TUSC3: variants seen among roughly 807,000 people sequenced by gnomAD.
The protein encoded by TUSC3 is dolichyl-diphosphooligosaccharide--protein glycosyltransferase subunit TUSC3.
In TUSC3, 45 loss-of-function variants were observed where a neutral mutation model predicts 44.8. The observed-to-expected ratio is 1.00, with a 90% CI of 0.79 to 1.29. TUSC3 has a LOEUF of 1.29. Among genes scored for constraint, TUSC3 ranks in the 50% most tolerant of loss-of-function variants. The pLI is 0.00. For synonymous variants in TUSC3, 212 were observed against 152.9 expected (o/e 1.39, Z -2.85); for missense variants, 519 against 437.9 (o/e 1.19, Z -1.65).
intron 6 of TUSC3, among the ~76,000 whole-genome samples, chr8:15,690,848 C>A (rs1470796890): frequency 6.6e-6 from 1 of 151,526 alleles, no homozygotes; most frequent in Non-Finnish European, 1.5e-5. Context: ...TATTCTGTTC[C>A]ATTGGTCTGT....
At chr8:15,451,504 C>G (rs1048074449) in intron 1 of TUSC3, among the ~76,000 whole-genome samples, 1 of 152,174 alleles carries the variant, frequency 6.6e-6, no homozygotes, top group Admixed American at 6.5e-5. Context: ...GGATTGGAGA[C>G]TCTGCAGGTT....
intron 6 of TUSC3, among the ~76,000 whole-genome samples, chr8:15,695,835 T>A (rs1412673341): frequency 1.3e-5 from 2 of 152,188 alleles, no homozygotes; most frequent in African/African-American, 4.8e-5. Context: ...CCTAGAGATT[T>A]GTGGAACTTT....
intron 7 of TUSC3, among the ~76,000 whole-genome samples, chr8:15,732,160 C>A (rs1006286480): frequency 1.1e-4 from 16 of 152,132 alleles, no homozygotes; most frequent in African/African-American, 3.9e-4. Context: ...AGATAATAAG[C>A]ATAAATACGT....
chr8:15,646,529 A>G lies in TUSC3; in HGVS notation c.309-4168A>G, dbSNP rs369044504. 3.1e-4 allele frequency among the ~76,000 whole-genome samples: 47 copies of G among 152,152 alleles called. 1 individual carries two copies. The highest frequency in any genetic ancestry group is 1.1e-3 in the African/African-American group (47 of 41,540). On this transcript the variant is annotated intron_variant, in intron 2 of 10. Transcript: ENST00000503731. Reference sequence around the variant, plus strand: ...CTCTTTGACTCCCCATTACTTTATCACTTTTTATTTTTTAATTTTTTTAAA... The same window carrying G: ...CTCTTTGACTCCCCATTACTTTATCGCTTTTTATTTTTTAATTTTTTTAAA...
At chr8:15,821,847 C>G in the TUSC3 span, among the ~76,000 whole-genome samples, 3 of 152,160 alleles carry the variant, frequency 2.0e-5, no homozygotes, top group Non-Finnish European at 4.4e-5. Context: ...TGTGGACTAA[C>G]ACCATCAAAG....
chr8:15,617,172 C>G (rs1300335596), intron 1 of TUSC3, among the ~76,000 whole-genome samples: 1 of 40,698 alleles, frequency 2.5e-5, no homozygotes, highest in African/African-American at 8.8e-5. Flanking sequence ...CAGAGTCTTG[C>G]TCTGTCGCCC....
At chr8:15,809,034 G>A in the TUSC3 span, among the ~76,000 whole-genome samples, 2 of 152,144 alleles carry the variant, frequency 1.3e-5, no homozygotes, top group Admixed American at 6.6e-5. Context: ...CAAGAGACAA[G>A]GGTTGGTGGG....
intron 7 of TUSC3, among the ~76,000 whole-genome samples, chr8:15,731,114 T>C (rs1810704705): frequency 6.6e-6 from 1 of 152,076 alleles, no homozygotes; most frequent in African/African-American, 2.4e-5. Context: ...TCCCCTTAAA[T>C]ATATGGTATG....
chr8:15,716,961 T>C (rs1252426842), intron 6 of TUSC3, among the ~76,000 whole-genome samples: 1 of 152,108 alleles, frequency 6.6e-6, no homozygotes, highest in East Asian at 1.9e-4. Context: ...AATATTTTAC[T>C]GTAGGGTTTA....
At chr8:15,707,966 T>A (rs1809687756) in intron 6 of TUSC3, among the ~76,000 whole-genome samples, 1 of 152,026 alleles carries the variant, frequency 6.6e-6, no homozygotes, top group African/African-American at 2.4e-5. Context: ...GATGCCCCAC[T>A]CCAGTCTTTG....
chr8:15,834,920 C>T, the TUSC3 span, among the ~76,000 whole-genome samples: 2 of 152,242 alleles, frequency 1.3e-5, no homozygotes, highest in East Asian at 3.9e-4. Context: ...TTCATGTGCA[C>T]AGGTTCCCCA....
chr8:15,659,161 C>T (rs1563158397), intron 3 of TUSC3, among the ~76,000 whole-genome samples: 1 of 152,024 alleles, frequency 6.6e-6, no homozygotes, highest in African/African-American at 2.4e-5. Context: ...CATGTACTGC[C>T]AAACTGCTAT....
chr8:15,504,900 C>G (rs925965384), intron 2 of TUSC3, among the ~76,000 whole-genome samples: 3 of 151,832 alleles, frequency 2.0e-5, no homozygotes, highest in Admixed American at 2.0e-4. Flanking sequence ...GATTCGCCCA[C>G]TTCAGCCTCC....
chr8:15,697,176 C>G (rs1032248125), intron 6 of TUSC3, among the ~76,000 whole-genome samples: 6 of 152,170 alleles, frequency 3.9e-5, no homozygotes, highest in Non-Finnish European at 8.8e-5. Context: ...CTCTATTTTT[C>G]TTGGTTAATC....
At chr8:15,824,747 G>C in the TUSC3 span, among the ~76,000 whole-genome samples, 1 of 152,054 alleles carries the variant, frequency 6.6e-6, no homozygotes, top group Non-Finnish European at 1.5e-5. Flanking sequence ...AACTTAAAGT[G>C]TAATAAAAAA....
At chr8:15,826,107 C>T in the TUSC3 span, among the ~76,000 whole-genome samples, 9 of 152,066 alleles carry the variant, frequency 5.9e-5, no homozygotes, top group Admixed American at 5.9e-4. Flanking sequence ...TCAGAGTTTC[C>T]AGTGCATAAA....
chr8:15,441,756 T>C (rs1408602676), intron 1 of TUSC3, among the ~76,000 whole-genome samples: 4 of 151,832 alleles, frequency 2.6e-5, no homozygotes, highest in South Asian at 2.1e-4. Context: ...GAAGCAGTGA[T>C]GAAAGCTGAC....
intron 1 of TUSC3, among the ~76,000 whole-genome samples, chr8:15,471,129 C>T (rs536032002): frequency 6.6e-6 from 1 of 151,970 alleles, no homozygotes; most frequent in East Asian, 1.9e-4. Flanking sequence ...GCAAACATTT[C>T]TTTGATTTAA....
chr8:15,747,131 C>T (rs1020244731), intron 8 of TUSC3, among the ~76,000 whole-genome samples: 11 of 151,872 alleles, frequency 7.2e-5, no homozygotes, highest in Admixed American at 2.0e-4. Flanking sequence ...ATTTGCAGAC[C>T]ATATTTTGAC....
Sources: allele counts gnomAD v4.1 joint callset (sites outside exome capture counted in the v4.1 genomes callset), GRCh38; gene constraint gnomAD v4.1.1; transcripts MANE v1.5; gene names NCBI Gene and HGNC (gene_info 2026-07-23, HGNC 2026-07-21).